HSD17B12: variants seen among roughly 807,000 people sequenced by gnomAD.
HSD17B12 encodes hydroxysteroid 17-beta dehydrogenase 12.
Under a neutral mutation model 39.3 loss-of-function variants are expected in HSD17B12, and 32 were observed. The ratio of observed to expected loss-of-function variants is 0.81; its 90% CI spans 0.61 to 1.09. The LOEUF is 1.09. Among genes scored for constraint, HSD17B12 ranks in the 50% least tolerant of loss-of-function variants. The pLI is 0.00. For synonymous variants in HSD17B12, 150 were observed against 146.7 expected (o/e 1.02, Z -0.16); for missense variants, 342 against 382.9 (o/e 0.89, Z 0.89).
rs1176560327 is a variant in HSD17B12, at chr11:43,801,628, A to ATATATATG, written c.391+3204_391+3205insATATGTAT. On this transcript the variant is annotated intron_variant, in intron 4 of 10. Coordinates refer to ENST00000278353, the MANE Select transcript of HSD17B12 (RefSeq NM_016142.3). ...TATATATATATATATATATATATAT[A>ATATATATG]TATGTATATGTATGTATGTATATGT... is the stretch of plus-strand genomic sequence containing the variant. Among the ~76,000 whole-genome samples the ATATATATG allele has an allele frequency of 7.4e-3, 154 of 20,876 alleles. 1 individual carries two copies. The highest frequency in any genetic ancestry group is 0.024 in the Middle Eastern group (1 of 42). 13.7% of individuals were successfully genotyped at this position (20,876 alleles called of 152,430 possible).
intron 1 of HSD17B12, among the ~76,000 whole-genome samples, chr11:43,695,650 C>A (rs1329585372): frequency 6.7e-6 from 1 of 149,034 alleles, no homozygotes; most frequent in African/African-American, 2.5e-5. Context: ...AGGCAATAGA[C>A]TGAAGAGGAT....
chr11:43,709,524 G>T (rs1359421270), intron 1 of HSD17B12, among the ~76,000 whole-genome samples: 1 of 152,174 alleles, frequency 6.6e-6, no homozygotes, highest in Non-Finnish European at 1.5e-5. Context: ...TGTCTTTGAT[G>T]CAATGCTTTT....
intron 4 of HSD17B12, among the ~76,000 whole-genome samples, chr11:43,798,927 G>A (rs561124417): frequency 1.3e-5 from 2 of 152,002 alleles, no homozygotes; most frequent in South Asian, 2.1e-4. Context: ...TTATCCCCCT[G>A]ATATTTTTGA....
chr11:43,616,897 G>A, the HSD17B12 span, among the ~76,000 whole-genome samples: 3,595 of 150,236 alleles, frequency 0.024, 73 homozygotes, highest in Middle Eastern at 0.11. Context: ...ACTTGAACCC[G>A]GGAGGTGGAG....
chr11:43,714,703 A>G (rs930112419), intron 1 of HSD17B12, among the ~76,000 whole-genome samples: 2 of 152,162 alleles, frequency 1.3e-5, no homozygotes, highest in African/African-American at 2.4e-5. Flanking sequence ...GAATCTATAC[A>G]TTACCTTGGG....
chr11:43,854,575 T>C (rs1951563118), intron 9 of HSD17B12, 140 bp from the exon 10 acceptor site: 1 of 883,722 alleles, frequency 1.1e-6, no homozygotes, highest in Non-Finnish European at 1.7e-6. Flanking sequence ...TGGCTTTAGA[T>C]AGCCACTTCT....
the HSD17B12 span, among the ~76,000 whole-genome samples, chr11:43,587,372 G>T: frequency 6.6e-5 from 10 of 151,966 alleles, no homozygotes; most frequent in African/African-American, 2.2e-4. Flanking sequence ...ACATCCCTAG[G>T]TTCCATAGAC....
At chr11:43,658,868 C>T in the HSD17B12 span, among the ~76,000 whole-genome samples, 18 of 152,214 alleles carry the variant, frequency 1.2e-4, no homozygotes, top group East Asian at 5.8e-4. Context: ...GCAGTCTGCC[C>T]GTTCTTAGAT....
the HSD17B12 span, among the ~76,000 whole-genome samples, chr11:43,662,807 G>T: frequency 6.6e-6 from 1 of 151,968 alleles, no homozygotes; most frequent in African/African-American, 2.4e-5. Flanking sequence ...CTACCTTGGG[G>T]GTAGGGAAAG....
At chr11:43,597,451 G>T in the HSD17B12 span, among the ~76,000 whole-genome samples, 2 of 152,154 alleles carry the variant, frequency 1.3e-5, no homozygotes, top group Admixed American at 1.3e-4. Context: ...AATGCTGAAC[G>T]AAGGACTTTG....
chr11:43,675,621 A>G, the HSD17B12 span, among the ~76,000 whole-genome samples: 603 of 152,216 alleles, frequency 4.0e-3, 4 homozygotes, highest in East Asian at 0.03. Flanking sequence ...AAAAAAAAAA[A>G]ACCCTCTAGT....
the HSD17B12 span, among the ~76,000 whole-genome samples, chr11:43,604,152 A>T: frequency 6.6e-6 from 1 of 152,184 alleles, no homozygotes; most frequent in Non-Finnish European, 1.5e-5. Context: ...TATGCACTGT[A>T]CCTGAACAAA....
intron 2 of HSD17B12, 31 bp from the exon 3 acceptor site, chr11:43,754,015 G>C: frequency 6.9e-7 from 1 of 1,457,146 alleles, no homozygotes; most frequent in Middle Eastern, 1.7e-4. Flanking sequence ...GACATGCACA[G>C]GTGTGATTCA....
At chr11:43,690,950 G>T (rs1171926884) in intron 1 of HSD17B12, among the ~76,000 whole-genome samples, 1 of 152,122 alleles carries the variant, frequency 6.6e-6, no homozygotes, top group Non-Finnish European at 1.5e-5. Flanking sequence ...TTATCTGATG[G>T]GATGATTCTG....
chr11:43,715,666 T>C (rs1950115530), intron 1 of HSD17B12, among the ~76,000 whole-genome samples: 1 of 152,180 alleles, frequency 6.6e-6, no homozygotes, highest in Admixed American at 6.5e-5. Flanking sequence ...GATTTCCTCT[T>C]TTTCTATTGA....
the HSD17B12 span, among the ~76,000 whole-genome samples, chr11:43,635,947 A>T: frequency 6.6e-6 from 1 of 152,212 alleles, no homozygotes; most frequent in Non-Finnish European, 1.5e-5. Flanking sequence ...AATATACCTC[A>T]AATAGGGAAG....
intron 6 of HSD17B12, among the ~76,000 whole-genome samples, chr11:43,826,475 A>C (rs1951241883): frequency 6.6e-6 from 1 of 152,268 alleles, no homozygotes; most frequent in East Asian, 1.9e-4. Context: ...TTGTTCTGAA[A>C]AGTTCTTTTT....
intron 1 of HSD17B12, among the ~76,000 whole-genome samples, chr11:43,708,964 AGC>A (rs951375973): frequency 2.0e-5 from 3 of 152,096 alleles, no homozygotes; most frequent in African/African-American, 7.2e-5. Context: ...TTTGTTTTTA[AGC>A]TAACTGTGCC....
At chr11:43,837,641 C>T (rs1301486154) in intron 7 of HSD17B12, among the ~76,000 whole-genome samples, 1 of 152,140 alleles carries the variant, frequency 6.6e-6, no homozygotes, top group Admixed American at 6.5e-5. Flanking sequence ...GCAAAAGACA[C>T]AGTTTGATGA....
Sources: gnomAD v4.1 joint callset for allele counts (sites outside exome capture counted in the v4.1 genomes callset) on GRCh38, gnomAD v4.1.1 for gene constraint, MANE v1.5 for transcripts, NCBI Gene and HGNC (gene_info 2026-07-23, HGNC 2026-07-21) for gene names.